GABRB3: variants seen among roughly 807,000 people sequenced by gnomAD.
The protein encoded by GABRB3 is gamma-aminobutyric acid type A receptor subunit beta3.
GABRB3 carries 14 observed loss-of-function variants against 52.1 expected under a neutral mutation model. That is an observed-to-expected ratio of 0.27 (90% CI 0.18 to 0.42). The LOEUF (loss-of-function observed/expected upper bound fraction) is 0.42, where lower values mean the gene tolerates loss of function less well. Among genes scored for constraint, GABRB3 ranks in the 10% least tolerant of loss-of-function variants. The pLI, the probability that GABRB3 is intolerant of heterozygous loss-of-function variation, is 1.00. For missense variants in GABRB3, 307 were observed against 609.1 expected (o/e 0.50, Z 5.22); for synonymous variants, 260 against 232.3 (o/e 1.12, Z -1.08).
At chr15:26,554,508 C>T (rs1459007343) in intron 8 of GABRB3, among the ~76,000 whole-genome samples, 5 of 151,874 alleles carry the variant, frequency 3.3e-5, no homozygotes, top group South Asian at 2.1e-4. Context: ...TGAACTTTGA[C>T]GATTCTAATG....
intron 3 of GABRB3, among the ~76,000 whole-genome samples, chr15:26,652,597 T>C (rs906896660): frequency 2.6e-5 from 4 of 152,042 alleles, no homozygotes; most frequent in African/African-American, 9.7e-5. Flanking sequence ...TAAATATATA[T>C]GTAGAAGTAT....
rs960290763 is a variant in GABRB3, at chr15:26,624,509, G to A, written c.241-2975C>T. On this transcript the variant is annotated intron_variant, in intron 3 of 8. Transcript: ENST00000311550. ...CCTAGGAGCCCGGCTGTCACTCACAGCCTGACAGCTCGGGCTCCGCGTCTT... is the reference window on the plus strand; with the variant it reads ...CCTAGGAGCCCGGCTGTCACTCACAACCTGACAGCTCGGGCTCCGCGTCTT... 1.2e-5 allele frequency: 12 copies of A among 985,328 alleles called. No homozygotes were observed. The Admixed American group carries it at 1.8e-4, about 15-fold the overall frequency. The allele number at this position is 985,328 out of a possible 1,614,324, so 61.0% of individuals were successfully genotyped here. A position where few individuals can be genotyped will look rare whatever the true frequency, so the allele number is the denominator to read the frequency against.
chr15:26,721,633 G>A (rs890576390), intron 3 of GABRB3, among the ~76,000 whole-genome samples: 7 of 151,558 alleles, frequency 4.6e-5, no homozygotes, highest in African/African-American at 7.3e-5. Flanking sequence ...ACAGAGCTCC[G>A]TCTCAACTAA....
chr15:26,726,127 G>T (rs1225018362), intron 3 of GABRB3, among the ~76,000 whole-genome samples: 3 of 26,100 alleles, frequency 1.1e-4, no homozygotes, highest in South Asian at 0.012. Flanking sequence ...TTCCCTTGGG[G>T]ATACTGAACT....
intron 4 of GABRB3, among the ~76,000 whole-genome samples, chr15:26,617,114 A>C (rs201081937): frequency 2.5e-4 from 37 of 150,068 alleles, no homozygotes; most frequent in South Asian, 8.5e-4. Flanking sequence ...AAAAGAGTCC[A>C]GCACCAGATG....
At chr15:26,694,981 A>G (rs531405391) in intron 3 of GABRB3, among the ~76,000 whole-genome samples, 1 of 152,324 alleles carries the variant, frequency 6.6e-6, no homozygotes, top group African/African-American at 2.4e-5. Context: ...CGAGCTCACA[A>G]ATATGTCAAT....
intron 3 of GABRB3, among the ~76,000 whole-genome samples, chr15:26,660,979 T>C (rs1002348228): frequency 6.6e-6 from 1 of 151,660 alleles, no homozygotes; most frequent in Non-Finnish European, 1.5e-5. Flanking sequence ...GGTGTGGGGG[T>C]CTCCTTATGT....
chr15:26,772,301 G>C (rs1891170718), intron 3 of GABRB3, 101 bp downstream of exon 3: 1 of 1,051,010 alleles, frequency 9.5e-7, no homozygotes. Flanking sequence ...GGGGAAACTC[G>C]GCCCCGGCCG....
intron 3 of GABRB3, among the ~76,000 whole-genome samples, chr15:26,635,128 G>A (rs1417659426): frequency 1.3e-5 from 2 of 151,090 alleles, no homozygotes; most frequent in African/African-American, 4.9e-5. Context: ...AATTCCAAAA[G>A]GGAATGCAGT....
At chr15:26,554,176 G>GAGTGTATGTGTATATATATA (rs71420007) in intron 8 of GABRB3, among the ~76,000 whole-genome samples, 1 of 27,334 alleles carries the variant, frequency 3.7e-5, no homozygotes, top group African/African-American at 1.1e-4. Context: ...TATATATAAA[G>GAGTGTATGTGTATATATATA]TATATATATA....
At chr15:26,682,795 C>A (rs1170917563) in intron 3 of GABRB3, among the ~76,000 whole-genome samples, 2 of 152,190 alleles carry the variant, frequency 1.3e-5, no homozygotes. Flanking sequence ...GTCCTCCATG[C>A]ATAGGGGGCA....
At chr15:26,551,960 C>T (rs568387560) in intron 8 of GABRB3, among the ~76,000 whole-genome samples, 2 of 151,100 alleles carry the variant, frequency 1.3e-5, no homozygotes, top group South Asian at 4.2e-4. Context: ...TCTAATGGAG[C>T]TTGTATCTCA....
intron 3 of GABRB3, among the ~76,000 whole-genome samples, chr15:26,622,985 A>G (rs1235098087): frequency 1.3e-5 from 2 of 152,216 alleles, no homozygotes; most frequent in African/African-American, 4.8e-5. Context: ...TAAGCAGATG[A>G]AAAGAAGCAG....
intron 3 of GABRB3, chr15:26,629,044 C>A: frequency 6.5e-7 from 1 of 1,536,138 alleles, no homozygotes; most frequent in South Asian, 1.2e-5. Flanking sequence ...GTGCTGAGGT[C>A]CCAAAGACTC....
At chr15:26,625,395 G>T in intron 3 of GABRB3, 1 of 690,264 alleles carries the variant, frequency 1.4e-6, no homozygotes, top group Non-Finnish European at 1.8e-6. Flanking sequence ...TTTCTTCAAT[G>T]CATCCCATAC....
At chr15:26,754,702 A>G (rs186783004) in intron 3 of GABRB3, among the ~76,000 whole-genome samples, 103 of 152,218 alleles carry the variant, frequency 6.8e-4, no homozygotes, top group Non-Finnish European at 8.8e-4. Context: ...CAACACCTCC[A>G]ATGAATCGGT....
At chr15:26,768,299 T>C (rs189556065) in intron 3 of GABRB3, among the ~76,000 whole-genome samples, 99 of 152,314 alleles carry the variant, frequency 6.5e-4, no homozygotes, top group Non-Finnish European at 9.9e-4. Context: ...TCACAGGAAT[T>C]ATCATTACTA....
chr15:26,554,037 T>TATATATATATATATATATATATATATATA lies in GABRB3; in HGVS notation c.1081-5904_1081-5903insTATATATATATATATATATATATATATAT, dbSNP rs59100810. Reference sequence around the variant, plus strand: ...CCTGACTATTTATATATATATATATTTATTTATTTATATTTATTTATATAT... The same window carrying TATATATATATATATATATATATATATATA: ...CCTGACTATTTATATATATATATATTATATATATATATATATATATATATATATATATTTATTTATATTTATTTATATAT... On this transcript the variant is annotated intron_variant, in intron 8 of 8. Transcript: ENST00000311550. Among the ~76,000 whole-genome samples the TATATATATATATATATATATATATATATA allele has an allele frequency of 8.1e-3, 471 of 58,260 alleles. 77 individuals are homozygous for TATATATATATATATATATATATATATATA. Among genetic ancestry groups the TATATATATATATATATATATATATATATA allele is most frequent in the Non-Finnish European group, 9.5e-3 (296 of 31,066 alleles). 38.2% of individuals were successfully genotyped at this position (58,260 alleles called of 152,430 possible). A position where few individuals can be genotyped will look rare whatever the true frequency, so the allele number is the denominator to read the frequency against.
intron 4 of GABRB3, chr15:26,616,026 T>C (rs892768177): frequency 2.3e-5 from 30 of 1,289,102 alleles, no homozygotes; most frequent in Non-Finnish European, 2.9e-5. Flanking sequence ...TGTTCTCAGC[T>C]GTGCCAGACC....
Sources: gnomAD v4.1 joint callset for allele counts (sites outside exome capture counted in the v4.1 genomes callset) on GRCh38, gnomAD v4.1.1 for gene constraint, MANE v1.5 for transcripts, NCBI Gene and HGNC (gene_info 2026-07-23, HGNC 2026-07-21) for gene names.